CEP170B: variants seen among roughly 807,000 people sequenced by gnomAD.
The protein encoded by CEP170B is centrosomal protein of 170 kDa protein B.
In CEP170B, 55 loss-of-function variants were observed where a neutral mutation model predicts 120.6. That is an observed-to-expected ratio of 0.46 (90% CI 0.37 to 0.57). CEP170B has a LOEUF of 0.57. CEP170B is among the 20% of genes least tolerant of loss of function. CEP170B has a pLI of 0.00. For missense variants in CEP170B, 2,212 were observed against 2,253.3 expected (o/e 0.98, Z 0.37); for synonymous variants, 1,033 against 954.5 (o/e 1.08, Z -1.52).
rs1292538038 is a variant in CEP170B, at chr14:104,890,390, G to GTGGATGGA, written c.3878+655_3878+662dup. On this transcript the variant is annotated intron_variant, in intron 13 of 18. Transcript: ENST00000414716. ...AGTGGGTGGGTGGATGGATGGATGA[G>GTGGATGGA]TGGATGGATGGATGGATGGATGGAT... Among the ~76,000 whole-genome samples the GTGGATGGA allele has an allele frequency of 2.2e-3, 260 of 118,164 alleles. 7 individuals are homozygous for GTGGATGGA. The highest frequency in any genetic ancestry group is 9.4e-3 in the African/African-American group (244 of 26,042). The allele number at this position is 118,164 out of a possible 152,430, so 77.5% of individuals were successfully genotyped here.
At position 104,884,642 on chromosome 14, in the gene CEP170B, G is replaced by A. The variant is rs1371447470; in HGVS notation, c.1770+93G>A. On this transcript the variant is annotated intron_variant, in intron 9 of 18. Transcript: ENST00000414716. Reference sequence around the variant, plus strand: ...GAGTGAGAGCCCTCGTGGGGAACGGGGGGTGGAGGCGATGCCGGGGGTGGC... The same window carrying A: ...GAGTGAGAGCCCTCGTGGGGAACGGAGGGTGGAGGCGATGCCGGGGGTGGC... 6.7e-6 allele frequency: 8 copies of A among 1,187,734 alleles called. No individual in the cohort carries two copies. In the South Asian group the frequency reaches 7.4e-5, roughly 11 times the overall value. 73.6% of individuals were successfully genotyped at this position (1,187,734 alleles called of 1,614,324 possible).
chr14:104,885,904 C>T (rs1896464237), intron 10 of CEP170B, 136 bp from the exon 11 acceptor site: 1 of 806,894 alleles, frequency 1.2e-6, no homozygotes, highest in Non-Finnish European at 1.9e-6. Flanking sequence ...CACGCTTGCT[C>T]ATGCGGCAGG....
chr14:104,893,710 A>G (rs1309530681), intron 15 of CEP170B, 44 bp downstream of exon 15: 3 of 1,585,948 alleles, frequency 1.9e-6, no homozygotes, highest in East Asian at 2.3e-5. Context: ...TGGGGGGAGC[A>G]GGGGCGGGGC....
intron 2 of CEP170B, among the ~76,000 whole-genome samples, chr14:104,873,356 A>G (rs1306287524): frequency 6.6e-6 from 1 of 151,886 alleles, no homozygotes; most frequent in Non-Finnish European, 1.5e-5. Context: ...GGTGAGACCC[A>G]GGCCTGGGCA....
rs2140612557 is a variant in CEP170B at position 104,868,163 on chromosome 14, G to T, written c.-27-261G>T. 6.6e-6 allele frequency among the ~76,000 whole-genome samples: 1 copy of T among 152,286 alleles called. No individual in the cohort carries two copies. Among genetic ancestry groups the T allele is most frequent in the East Asian group, 1.9e-4 (1 of 5,170 alleles). ...GATAGAGGAGATGAGGTGTGCTGGG[G>T]CCTGGAGGATAAGGGAGAACCAGGC... On this transcript the variant is annotated intron_variant, in intron 1 of 18. Transcript: ENST00000414716. This position sits in a 1 kb window ranked among gnomAD's most constrained non-coding sequence, Gnocchi z 5.9.
At chr14:104,884,663 G>A (rs1267845405) in intron 9 of CEP170B, 114 bp downstream of exon 9, 2 of 804,634 alleles carry the variant, frequency 2.5e-6, no homozygotes, top group East Asian at 5.9e-5. Context: ...GATGCCGGGG[G>A]TGGCGAGTGA....
chr14:104,879,796 A>G (rs2582560), intron 5 of CEP170B, among the ~76,000 whole-genome samples: 151,176 of 152,244 alleles, frequency 0.99, 75,105 homozygotes, highest in Non-Finnish European at 1. Flanking sequence ...TGGGAACGGC[A>G]TCTCCTCGCC....
chr14:104,887,700 G>A lies in CEP170B; in HGVS notation c.3461G>A (p.Gly1154Asp). The A allele has an allele frequency of 1.9e-6, 3 of 1,585,504 alleles. No homozygotes were observed. The highest frequency in any genetic ancestry group is 1.1e-5 in the South Asian group (1 of 87,368). ...TCCCTGGGCAACCCTGAGCCCGTGG[G>A]CCGGCCAGCTGCTGAGCAGGCCAAG... ...RGSLGNPEPV[G>D]RPAAEQAKKL... is the part of the protein sequence containing the mutation. Residue 1154 changes from glycine to aspartate, a missense_variant, in exon 12 of 19, where the codon GGC becomes GAC. Gly to Asp is a moderately conservative substitution (Grantham distance 94, BLOSUM62 -1). Around this residue, in one of 2 missense-constraint regions of CEP170B, gnomAD observed 2,166 missense variants for 2,166.7 expected, o/e 1.00. Coordinates refer to ENST00000414716, the MANE Select transcript of CEP170B (RefSeq NM_001112726.3).
chr14:104,869,320 C>T (rs1895353262), intron 2 of CEP170B, among the ~76,000 whole-genome samples: 2 of 152,348 alleles, frequency 1.3e-5, no homozygotes, highest in African/African-American at 4.8e-5. Flanking sequence ...GTGGATGGCA[C>T]TGTCCAGTCT....
At chr14:104,889,582 C>G (rs763660921) in intron 12 of CEP170B, 38 bp from the exon 13 acceptor site, 3 of 1,605,716 alleles carry the variant, frequency 1.9e-6, no homozygotes, top group Non-Finnish European at 1.7e-6. Context: ...GCTCCCGCCA[C>G]GGCTCCCCCA....
rs976554246 is a variant in CEP170B at position 104,883,318 on chromosome 14, C to T, written c.861C>T (p.Ile287=). 1 of 1,612,144 alleles carries T rather than the reference C, an allele frequency of 6.2e-7. No homozygotes were observed. The highest frequency in any genetic ancestry group is 2.2e-5 in the East Asian group (1 of 44,846). Residue 287 remains isoleucine (I), a synonymous_variant, in exon 8 of 19, where the codon ATC becomes ATT. Coordinates refer to ENST00000414716, the MANE Select transcript of CEP170B (RefSeq NM_001112726.3). The part of the protein sequence containing the change: ...SPGKMKIKDH[I]TKFSLRQRRP... Reference sequence around the variant, plus strand: ...GCAAGATGAAGATCAAGGACCATATCACCAAGTTTTCCCTGCGCCAGCGGC... The same window carrying T: ...GCAAGATGAAGATCAAGGACCATATTACCAAGTTTTCCCTGCGCCAGCGGC...
chr14:104,889,093 C>T (rs933045419), intron 12 of CEP170B, among the ~76,000 whole-genome samples: 1 of 152,214 alleles, frequency 6.6e-6, no homozygotes, highest in Non-Finnish European at 1.5e-5. Context: ...CAGGGAGGGA[C>T]TGCAGTGGCC....
chr14:104,880,557 C>T, intron 6 of CEP170B, 132 bp downstream of exon 6: 2 of 1,339,484 alleles, frequency 1.5e-6, no homozygotes, highest in Non-Finnish European at 2.0e-6. Context: ...TCACCCTTTG[C>T]ACACACCTAC....
chr14:104,891,801 G>A lies in CEP170B; in HGVS notation c.3879-1175G>A, dbSNP rs1896865657. Among the ~76,000 whole-genome samples, 1 of 152,112 alleles carries A rather than the reference G, an allele frequency of 6.6e-6. No individual in the cohort carries two copies. The highest frequency in any genetic ancestry group is 1.5e-5 in the Non-Finnish European group (1 of 68,010). On this transcript the variant is annotated intron_variant, in intron 13 of 18. Transcript: ENST00000414716. This position sits in a 1 kb window ranked among gnomAD's most constrained non-coding sequence, Gnocchi z 4.3. ...CAGGAGGCCAGGGAGTGCTGGGCGG[G>A]GGCCTGAGGGCCAGGGGCATGTGCC... is the stretch of plus-strand genomic sequence containing the variant.
chr14:104,879,099 T>C (rs550488851), intron 5 of CEP170B, among the ~76,000 whole-genome samples: 5 of 152,312 alleles, frequency 3.3e-5, no homozygotes, highest in Admixed American at 3.3e-4. Context: ...TGGGGTCTCA[T>C]AAGGGGCTTT....
At position 104,883,062 on chromosome 14, in the gene CEP170B, A is replaced by G. The variant is rs1435410800; in HGVS notation, c.605A>G (p.Asp202Gly). Reference protein sequence around the residue: ...PERPKGPVQQDGELHGFRAPA... With the variant: ...PERPKGPVQQGGELHGFRAPA... The stretch of plus-strand genomic sequence containing the variant: ...CGCCCCAAGGGACCAGTGCAGCAGG[A>G]CGGGGAGCTCCACGGCTTCCGCGCC... The change falls in exon 8 of 19, where the codon GAC becomes GGC. Residue 202 changes from aspartate to glycine, a missense_variant. Physicochemically the swap from Asp to Gly is moderately conservative, Grantham distance 94 (BLOSUM62 -1). Coordinates refer to ENST00000414716, the MANE Select transcript of CEP170B (RefSeq NM_001112726.3). The G allele has an allele frequency of 6.5e-7, 1 of 1,547,634 alleles. No homozygotes were observed. The highest frequency in any genetic ancestry group is 1.2e-5 in the South Asian group (1 of 84,664).
intron 17 of CEP170B, 43 bp from the exon 18 acceptor site, chr14:104,894,494 C>CCGT: frequency 6.2e-7 from 1 of 1,604,428 alleles, no homozygotes; most frequent in Non-Finnish European, 8.5e-7. Context: ...GGGCTGCAGC[C>CCGT]CGTCAGAAGT....
chr14:104,880,731 A>G (rs1478836573), intron 6 of CEP170B, among the ~76,000 whole-genome samples: 1 of 151,028 alleles, frequency 6.6e-6, no homozygotes, highest in Non-Finnish European at 1.5e-5. Context: ...ACTCATGCAC[A>G]CCCACACCAC....
rs1335396764 is a variant in CEP170B at position 104,895,035 on chromosome 14, G to C, written c.*77G>C. On this transcript the variant is annotated 3_prime_UTR_variant, in exon 19 of 19. Transcript: ENST00000414716. The stretch of plus-strand genomic sequence containing the variant: ...CGTCCGCCGCACACCCGCCTGCCTG[G>C]CCGCAGGTGGTTCTCCCTGAAGACC... 7.0e-7 allele frequency: 1 copy of C among 1,431,076 alleles called. No individual in the cohort carries two copies. 88.6% of individuals were successfully genotyped at this position (1,431,076 alleles called of 1,614,324 possible). A position where few individuals can be genotyped will look rare whatever the true frequency, so the allele number is the denominator to read the frequency against.
Sources: allele counts gnomAD v4.1 joint callset (sites outside exome capture counted in the v4.1 genomes callset), GRCh38; gene constraint gnomAD v4.1.1; regional missense constraint gnomAD v4.1.1; non-coding constraint Gnocchi (gnomAD v3.1); transcripts MANE v1.5; gene names NCBI Gene and HGNC (gene_info 2026-07-23, HGNC 2026-07-21).